Variants in ABCG2 observed in about 807,000 individuals in gnomAD.
ABCG2 encodes broad substrate specificity ATP-binding cassette transporter ABCG2.
A neutral mutation model predicts 73.5 loss-of-function variants in ABCG2; 80 were observed. That is an observed-to-expected ratio of 1.09 (90% CI 0.91 to 1.31). ABCG2 has a LOEUF of 1.31. Among genes scored for constraint, ABCG2 ranks in the 50% most tolerant of loss-of-function variants. The probability of loss-of-function intolerance (pLI) is 0.00; values close to 1 mark genes in which losing one functional copy is unlikely to be tolerated. For missense variants in ABCG2, 796 were observed against 786.2 expected, an observed-to-expected ratio of 1.01 and a Z score of -0.15; for synonymous variants, 269 against 282.4, an observed-to-expected ratio of 0.95 and a Z score of 0.48.
At chr4:88,197,485 A>G (rs1728981872) in intron 1 of ABCG2, among the ~76,000 whole-genome samples, 1 of 151,678 alleles carries the variant, frequency 6.6e-6, no homozygotes, top group African/African-American at 2.4e-5. Flanking sequence ...GCATGGTGGC[A>G]TATACCTGTA....
chr4:88,190,318 C>T (rs1578266406), intron 1 of ABCG2, among the ~76,000 whole-genome samples: 1 of 152,124 alleles, frequency 6.6e-6, no homozygotes, highest in Non-Finnish European at 1.5e-5. Flanking sequence ...ACTTTATATC[C>T]CTGTTCTATC....
At chr4:88,144,001 T>G (rs1217674940) in intron 1 of ABCG2, among the ~76,000 whole-genome samples, 2 of 152,194 alleles carry the variant, frequency 1.3e-5, no homozygotes, top group African/African-American at 4.8e-5. Context: ...AACACCAGTC[T>G]TTCCCCATGG....
At chr4:88,219,923 C>A (rs1019740260) in intron 1 of ABCG2, among the ~76,000 whole-genome samples, 1 of 151,856 alleles carries the variant, frequency 6.6e-6, no homozygotes, top group Non-Finnish European at 1.5e-5. Flanking sequence ...CATTGCTGTG[C>A]AACCATCACT....
At chr4:88,142,775 C>T (rs961837928) in intron 1 of ABCG2, among the ~76,000 whole-genome samples, 2 of 152,034 alleles carry the variant, frequency 1.3e-5, no homozygotes, top group African/African-American at 4.8e-5. Flanking sequence ...GGTGAAACCC[C>T]ATCTCTATCA....
At chr4:88,218,089 G>A (rs1024311846) in intron 1 of ABCG2, among the ~76,000 whole-genome samples, 2 of 151,550 alleles carry the variant, frequency 1.3e-5, no homozygotes, top group Admixed American at 6.6e-5. Context: ...TCCTGCCTCC[G>A]TTCCCTCTAC....
At chr4:88,176,545 G>C (rs1385757098) in intron 1 of ABCG2, among the ~76,000 whole-genome samples, 1 of 133,906 alleles carries the variant, frequency 7.5e-6, no homozygotes, top group South Asian at 2.3e-4. Flanking sequence ...TGATGGCCCA[G>C]TTACAGCACA....
At chr4:88,158,919 T>G (rs1458826271), upstream of ABCG2, 2 of 345,066 alleles carry the variant, frequency 5.8e-6, no homozygotes, top group Non-Finnish European at 1.1e-5. Context: ...CAGTGGCCCC[T>G]CCCCAGCGCC....
intron 1 of ABCG2, among the ~76,000 whole-genome samples, chr4:88,146,266 TG>T (rs11287117): frequency 0.3 from 45,816 of 151,666 alleles, 8,713 homozygotes; most frequent in African/African-American, 0.54. Flanking sequence ...GTTCCCTAGC[TG>T]GGTTCCTAGA....
chr4:88,120,365 C>T (rs1723884606), intron 6 of ABCG2, among the ~76,000 whole-genome samples: 1 of 152,110 alleles, frequency 6.6e-6, no homozygotes, highest in Non-Finnish European at 1.5e-5. Context: ...TCCTTAAGAC[C>T]CCAGAATGGT....
chr4:88,102,745 A>T (rs1041668043), intron 10 of ABCG2, among the ~76,000 whole-genome samples: 20 of 152,288 alleles, frequency 1.3e-4, no homozygotes, highest in African/African-American at 4.8e-4. Context: ...GTGTGAGTTG[A>T]AACTGAAAAA....
At chr4:88,153,077 T>C (rs934953028) in intron 1 of ABCG2, among the ~76,000 whole-genome samples, 1 of 152,044 alleles carries the variant, frequency 6.6e-6, no homozygotes, top group African/African-American at 2.4e-5. Flanking sequence ...GGACATCCAA[T>C]TAGAGAGTGC....
intron 9 of ABCG2, among the ~76,000 whole-genome samples, chr4:88,111,393 T>C (rs927469176): frequency 6.6e-6 from 1 of 152,152 alleles, no homozygotes; most frequent in African/African-American, 2.4e-5. Flanking sequence ...AAACACCAAA[T>C]TATACGTACC....
chr4:88,117,958 A>G (rs1560678506), intron 7 of ABCG2, 151 bp downstream of exon 7: 7 of 713,598 alleles, frequency 9.8e-6, no homozygotes, highest in Non-Finnish European at 1.5e-5. Context: ...GAAGAAAAAT[A>G]CTAGCACCAA....
chr4:88,225,181 G>A (rs1730159681), intron 1 of ABCG2, among the ~76,000 whole-genome samples: 1 of 152,176 alleles, frequency 6.6e-6, no homozygotes, highest in Non-Finnish European at 1.5e-5. Context: ...GGGCCAGATA[G>A]TGAATATTTT....
At chr4:88,094,156 G>T (rs1042620298) in intron 15 of ABCG2, among the ~76,000 whole-genome samples, 2 of 152,100 alleles carry the variant, frequency 1.3e-5, no homozygotes, top group African/African-American at 4.8e-5. Context: ...CGTGGGTTGG[G>T]CTCAGAAGTA....
intron 1 of ABCG2, among the ~76,000 whole-genome samples, chr4:88,140,397 T>G (rs1244570401): frequency 6.6e-6 from 1 of 152,302 alleles, no homozygotes; most frequent in East Asian, 1.9e-4. Context: ...ATGCTCATCA[T>G]CAGAATCTCT....
chr4:88,140,748 G>C (rs1247572237), intron 1 of ABCG2, among the ~76,000 whole-genome samples: 1 of 152,172 alleles, frequency 6.6e-6, no homozygotes, highest in East Asian at 1.9e-4. Context: ...TATAGCTCCA[G>C]ACTTTATGTC....
intron 1 of ABCG2, among the ~76,000 whole-genome samples, chr4:88,203,773 A>G (rs1025857387): frequency 4.0e-5 from 6 of 149,466 alleles, no homozygotes; most frequent in African/African-American, 1.5e-4. Flanking sequence ...AAAAAAAAAG[A>G]AAGAAACTTA....
chr4:88,131,208 A>C lies in ABCG2; in HGVS notation c.384T>G (p.Asp128Glu), dbSNP rs375846189. ...TCACCGTCAGAGTGCCCATCACAAC[A>C]TCATCCTTAAGGCAAATAGCATTTT... ...KCNSGYVVQD[D>E]VVMGTLTVRE... The change falls in exon 5 of 16, where the codon GAT (aspartate) becomes GAG (glutamate). Residue 128 changes from aspartate to glutamate, a missense_variant. Physicochemically the swap from Asp to Glu is conservative, Grantham distance 45 (BLOSUM62 2). Transcript: ENST00000237612. The C allele has an allele frequency of 2.5e-6, 4 of 1,613,864 alleles. No homozygotes were observed. In the African/African-American group the frequency reaches 5.3e-5, roughly 22 times the overall value.
Sources: gnomAD v4.1 joint callset for allele counts (sites outside exome capture counted in the v4.1 genomes callset) on GRCh38, gnomAD v4.1.1 for gene constraint, MANE v1.5 for transcripts, NCBI Gene and HGNC (gene_info 2026-07-23, HGNC 2026-07-21) for gene names.